Variants in SH3RF2 observed in about 807,000 individuals in gnomAD.
SH3RF2 encodes E3 ubiquitin-protein ligase SH3RF2.
In SH3RF2, 43 loss-of-function variants were observed where a neutral mutation model predicts 59.0. The observed-to-expected ratio is 0.73, with a 90% CI of 0.57 to 0.94. The LOEUF (loss-of-function observed/expected upper bound fraction) is 0.94, where lower values mean the gene tolerates loss of function less well. Among genes scored for constraint, SH3RF2 ranks in the 40% least tolerant of loss-of-function variants. The pLI is 0.00. For synonymous variants in SH3RF2, 391 were observed against 391.5 expected, an observed-to-expected ratio of 1.00 and a Z score of 0.01; for missense variants, 930 against 940.1, an observed-to-expected ratio of 0.99 and a Z score of 0.14.
intron 2 of SH3RF2, among the ~76,000 whole-genome samples, chr5:145,988,269 T>A (rs1031669271): frequency 6.6e-6 from 1 of 151,544 alleles, no homozygotes; most frequent in Non-Finnish European, 1.5e-5. Context: ...CTTCTACCGT[T>A]TGGCCCAGAG....
At chr5:145,999,396 C>G (rs987627125) in intron 2 of SH3RF2, among the ~76,000 whole-genome samples, 3 of 152,162 alleles carry the variant, frequency 2.0e-5, no homozygotes, top group Admixed American at 6.5e-5. Flanking sequence ...CTTCTGATTT[C>G]CTTCATGAAC....
At chr5:145,993,433 CCCT>C (rs1760028921) in intron 2 of SH3RF2, among the ~76,000 whole-genome samples, 1 of 152,204 alleles carries the variant, frequency 6.6e-6, no homozygotes, top group African/African-American at 2.4e-5. Flanking sequence ...TTCTGCATTG[CCCT>C]AGCAGAGGTT....
chr5:146,022,787 G>A (rs60439630), intron 5 of SH3RF2, among the ~76,000 whole-genome samples: 1 of 151,792 alleles, frequency 6.6e-6, no homozygotes, highest in Admixed American at 6.6e-5. Context: ...GCAGGAGAAT[G>A]GCTTGAACCA....
chr5:145,993,577 C>A (rs1023631022), intron 2 of SH3RF2, among the ~76,000 whole-genome samples: 1 of 152,218 alleles, frequency 6.6e-6, no homozygotes, highest in Non-Finnish European at 1.5e-5. Context: ...GGCTCAACAC[C>A]AAGTGGAAGC....
rs761252592 is a variant in SH3RF2 at position 145,938,267 on chromosome 5, T to C, written c.339T>C (p.Pro113=). The C allele has an allele frequency of 3.1e-6, 5 of 1,589,526 alleles. No individual in the cohort carries two copies. The Admixed American group carries it at 5.2e-5, about 16-fold the overall frequency. The part of the protein sequence containing the change: ...RTNPRRLQAS[P]FRLVPNVRIH... ...ACCCCAGACGTCTGCAGGCCAGTCC[T>C]TTCCGGCTAGTGCCTAATGTCAGAA... The change falls in exon 2 of 10, where the codon CCT becomes CCC. Residue 113 remains proline (P), a synonymous_variant. Coordinates refer to ENST00000359120, the MANE Select transcript of SH3RF2 (RefSeq NM_152550.4).
intron 9 of SH3RF2, among the ~76,000 whole-genome samples, chr5:146,072,401 G>T (rs370511609): frequency 2.0e-5 from 3 of 152,304 alleles, no homozygotes; most frequent in South Asian, 4.1e-4. Flanking sequence ...GGCTGGGCAT[G>T]GTGGCTCACG....
At chr5:146,049,300 C>A in intron 7 of SH3RF2, 55 bp downstream of exon 7, 1 of 1,543,566 alleles carries the variant, frequency 6.5e-7, no homozygotes, top group Non-Finnish European at 8.7e-7. Context: ...AGGCCAGGGG[C>A]CATCTGTGGG....
chr5:145,937,944 T>A lies in SH3RF2; in HGVS notation c.16T>A (p.Leu6Ile). 6.2e-7 allele frequency: 1 copy of A among 1,613,290 alleles called. No individual in the cohort carries two copies. The highest frequency in any genetic ancestry group is 8.5e-7 in the Non-Finnish European group (1 of 1,179,568). ...TTGAAATAAAATGGATGATTTGACGTTACTTGATCTTCTGGAGTGCCCTGT... is the reference window on the plus strand; with the variant it reads ...TTGAAATAAAATGGATGATTTGACGATACTTGATCTTCTGGAGTGCCCTGT... The part of the protein sequence containing the change: MDDLT[L>I]LDLLECPVCF... The change falls in exon 2 of 10, where the codon TTA (leucine) becomes ATA (isoleucine). Residue 6 changes from leucine to isoleucine, a missense_variant. Physicochemically the swap from Leu to Ile is conservative, Grantham distance 5. Coordinates refer to ENST00000359120, the MANE Select transcript of SH3RF2 (RefSeq NM_152550.4).
intron 5 of SH3RF2, among the ~76,000 whole-genome samples, chr5:146,029,982 A>T (rs540209267): frequency 2.2e-3 from 334 of 152,330 alleles, no homozygotes; most frequent in Non-Finnish European, 3.3e-3. Flanking sequence ...GCGAAATAAA[A>T]ACTGGTTACG....
rs373312426 is a variant in SH3RF2 at position 146,004,062 on chromosome 5, A to G, written c.653A>G (p.Asp218Gly). The G allele has an allele frequency of 6.8e-5, 110 of 1,611,908 alleles. No homozygotes were observed. Among genetic ancestry groups the G allele is most frequent in the Non-Finnish European group, 8.9e-5 (105 of 1,178,556 alleles). Residue 218 changes from aspartate (D) to glycine (G), a missense_variant, in exon 4 of 10, where the codon GAT becomes GGT. By Grantham distance (94) the Asp-to-Gly change is moderately conservative. Transcript: ENST00000359120. ...CCATGAGACTTTCTCTTTCAGGACG[A>G]TATCATCACTGTGATCAGCCGAGTG... The part of the protein sequence containing the change: ...NQDCLTFLKD[D>G]IITVISRVDE...
intron 9 of SH3RF2, among the ~76,000 whole-genome samples, chr5:146,069,982 GAAA>G (rs11430700): frequency 2.2e-4 from 32 of 143,272 alleles, no homozygotes; most frequent in Admixed American, 7.5e-4. Flanking sequence ...AATGGAAACT[GAAA>G]AAAAAAAAAA....
At chr5:145,943,182 G>T (rs1483758408) in intron 2 of SH3RF2, among the ~76,000 whole-genome samples, 5 of 151,706 alleles carry the variant, frequency 3.3e-5, no homozygotes, top group Non-Finnish European at 7.4e-5. Flanking sequence ...AAAGTCAGCT[G>T]GCACTAGAGT....
At chr5:146,002,683 T>C (rs1326004414) in intron 3 of SH3RF2, among the ~76,000 whole-genome samples, 1 of 152,106 alleles carries the variant, frequency 6.6e-6, no homozygotes, top group Admixed American at 6.5e-5. Context: ...CCTTCATCTG[T>C]ATTTATAGCT....
At chr5:146,066,227 G>C (rs1037490203), downstream of SH3RF2, among the ~76,000 whole-genome samples, 2 of 152,216 alleles carry the variant, frequency 1.3e-5, no homozygotes, top group Middle Eastern at 3.2e-3. Context: ...CTGCCAGGAG[G>C]CAGCAGAGTG....
intron 2 of SH3RF2, among the ~76,000 whole-genome samples, chr5:145,990,283 T>C (rs1304229403): frequency 6.6e-6 from 1 of 152,188 alleles, no homozygotes; most frequent in African/African-American, 2.4e-5. Context: ...TAGCCAACAT[T>C]GAACTACACT....
intron 2 of SH3RF2, among the ~76,000 whole-genome samples, chr5:145,991,254 C>T (rs1214599061): frequency 6.6e-6 from 1 of 152,140 alleles, no homozygotes; most frequent in African/African-American, 2.4e-5. Flanking sequence ...GTGACATTTC[C>T]CATATCAGAA....
intron 2 of SH3RF2, among the ~76,000 whole-genome samples, chr5:145,970,142 G>A (rs140766485): frequency 6.7e-5 from 10 of 149,124 alleles, no homozygotes; most frequent in African/African-American, 2.0e-4. Context: ...TTTTTCAATC[G>A]TTTTTGGAGA....
intron 7 of SH3RF2, among the ~76,000 whole-genome samples, chr5:146,051,131 A>T (rs1163614977): frequency 6.6e-6 from 1 of 152,160 alleles, no homozygotes; most frequent in Non-Finnish European, 1.5e-5. Flanking sequence ...GCTACTGGGG[A>T]GGCTGGGGCA....
At chr5:146,029,916 C>G (rs1183135478) in intron 5 of SH3RF2, among the ~76,000 whole-genome samples, 1 of 152,158 alleles carries the variant, frequency 6.6e-6, no homozygotes, top group South Asian at 2.1e-4. Flanking sequence ...CCATTCTTCT[C>G]CCTCTCTTCC....
Sources: gnomAD v4.1 joint callset for allele counts (sites outside exome capture counted in the v4.1 genomes callset) on GRCh38, gnomAD v4.1.1 for gene constraint, MANE v1.5 for transcripts, NCBI Gene and HGNC (gene_info 2026-07-23, HGNC 2026-07-21) for gene names.